GRIN2B: variants seen among roughly 807,000 people sequenced by gnomAD.
The protein encoded by GRIN2B is glutamate ionotropic receptor NMDA type subunit 2B.
A neutral mutation model predicts 114.5 loss-of-function variants in GRIN2B; 5 were observed. That is an observed-to-expected ratio of 0.04 (90% CI 0.02 to 0.09). The LOEUF (loss-of-function observed/expected upper bound fraction) is 0.09, where lower values mean the gene tolerates loss of function less well. Ranked by LOEUF, GRIN2B falls within the 10% of genes least tolerant of loss-of-function variation. The probability of loss-of-function intolerance (pLI) is 1.00; values close to 1 mark genes in which losing one functional copy is unlikely to be tolerated. For synonymous variants in GRIN2B, 787 were observed against 745.1 expected, an observed-to-expected ratio of 1.06 and a Z score of -0.92; for missense variants, 1,108 against 1,943.5, an observed-to-expected ratio of 0.57 and a Z score of 8.08.
intron 4 of GRIN2B, among the ~76,000 whole-genome samples, chr12:13,719,230 C>A (rs1184146207): frequency 6.6e-6 from 1 of 152,026 alleles, no homozygotes; most frequent in African/African-American, 2.4e-5. Flanking sequence ...GCCACTTGCT[C>A]CTGGAATCAG....
rs1242406068 is a variant in GRIN2B at position 13,556,486 on chromosome 12, A to G, written c.*6297T>C. 2 of 152,192 alleles carry G rather than the reference A, an allele frequency of 1.3e-5. No individual in the cohort carries two copies. Among genetic ancestry groups the G allele is most frequent in the Non-Finnish European group, 2.9e-5 (2 of 68,032 alleles). The allele number at this position is 152,192 out of a possible 1,614,324, so 9.4% of individuals were successfully genotyped here. A position where few individuals can be genotyped will look rare whatever the true frequency, so the allele number is the denominator to read the frequency against. Reference sequence around the variant, plus strand: ...TTTAATTAAACTCACATATTTAACCAGAGAGCTTTTATTTTTTTCTCCTGC... The same window carrying G: ...TTTAATTAAACTCACATATTTAACCGGAGAGCTTTTATTTTTTTCTCCTGC... On this transcript the variant is annotated 3_prime_UTR_variant, in exon 14 of 14. Transcript: ENST00000609686.
intron 6 of GRIN2B, among the ~76,000 whole-genome samples, chr12:13,616,088 T>C (rs1949436061): frequency 6.6e-6 from 1 of 152,108 alleles, no homozygotes; most frequent in Admixed American, 6.5e-5. Flanking sequence ...AAAGCATAGA[T>C]TAGTTTTATA....
intron 2 of GRIN2B, among the ~76,000 whole-genome samples, chr12:13,926,172 G>C (rs1866907406): frequency 6.6e-6 from 1 of 152,152 alleles, no homozygotes; most frequent in African/African-American, 2.4e-5. Flanking sequence ...CAGAAAATGA[G>C]AAGGTGTCGG....
intron 4 of GRIN2B, among the ~76,000 whole-genome samples, chr12:13,715,406 A>G (rs77375911): frequency 0.029 from 4,477 of 151,988 alleles, 172 homozygotes; most frequent in African/African-American, 0.086. Context: ...GATAACTATA[A>G]AAGTTCTTAA....
chr12:13,720,457 A>C (rs1202196096), intron 4 of GRIN2B, among the ~76,000 whole-genome samples: 2 of 152,098 alleles, frequency 1.3e-5, no homozygotes, highest in African/African-American at 2.4e-5. Flanking sequence ...CGGCAGATTT[A>C]TGTCTTTGTG....
At chr12:13,814,483 C>T (rs911659062) in intron 3 of GRIN2B, among the ~76,000 whole-genome samples, 8 of 152,208 alleles carry the variant, frequency 5.3e-5, no homozygotes, top group African/African-American at 1.9e-4. Flanking sequence ...TACAAATCAG[C>T]TTAGTACCTA....
intron 3 of GRIN2B, 78 bp downstream of exon 3, chr12:13,865,720 A>G: frequency 8.3e-7 from 1 of 1,201,434 alleles, no homozygotes; most frequent in Non-Finnish European, 1.2e-6. Flanking sequence ...TTAACAATCA[A>G]GTTTTACAGG....
At chr12:13,738,960 G>A (rs1863230083) in intron 4 of GRIN2B, among the ~76,000 whole-genome samples, 1 of 152,120 alleles carries the variant, frequency 6.6e-6, no homozygotes, top group Non-Finnish European at 1.5e-5. Flanking sequence ...CTGACACAAG[G>A]AACTCAAAAC....
At chr12:13,909,995 A>T (rs529136635) in intron 2 of GRIN2B, among the ~76,000 whole-genome samples, 1 of 152,296 alleles carries the variant, frequency 6.6e-6, no homozygotes, top group African/African-American at 2.4e-5. Flanking sequence ...ACCTAGACAA[A>T]CTAAGAGCAG....
intron 2 of GRIN2B, among the ~76,000 whole-genome samples, chr12:13,961,081 G>A (rs367792238): frequency 2.0e-5 from 3 of 149,848 alleles, no homozygotes; most frequent in East Asian, 3.9e-4. Flanking sequence ...GGATTCTGAC[G>A]ACTTTTTTTT....
chr12:13,631,160 GC>G (rs1949612713), intron 5 of GRIN2B, among the ~76,000 whole-genome samples: 1 of 152,120 alleles, frequency 6.6e-6, no homozygotes, highest in Admixed American at 6.5e-5. Flanking sequence ...GCAACGCAGA[GC>G]CAAACCATAT....
chr12:13,854,656 C>CACTTG (rs111332719), intron 3 of GRIN2B, among the ~76,000 whole-genome samples: 7 of 151,316 alleles, frequency 4.6e-5, no homozygotes, highest in African/African-American at 1.7e-4. Context: ...GGAACACTGA[C>CACTTG]ACCCTTTCAG....
At chr12:13,858,467 A>G in intron 3 of GRIN2B, among the ~76,000 whole-genome samples, 1 of 152,298 alleles carries the variant, frequency 6.6e-6, no homozygotes, top group Middle Eastern at 3.4e-3. Context: ...GTAAGACAAA[A>G]AGAATCACAG....
At chr12:13,815,355 G>A (rs993281638) in intron 3 of GRIN2B, among the ~76,000 whole-genome samples, 5 of 151,586 alleles carry the variant, frequency 3.3e-5, no homozygotes, top group Non-Finnish European at 5.9e-5. Flanking sequence ...TTCAGTAAAG[G>A]CATCATTCAG....
chr12:13,700,154 G>A (rs1235816860), intron 4 of GRIN2B, among the ~76,000 whole-genome samples: 1 of 152,048 alleles, frequency 6.6e-6, no homozygotes, highest in Admixed American at 6.6e-5. Context: ...CTTTTCTTGA[G>A]ACATCATCTG....
chr12:13,815,094 A>T (rs1864792205), intron 3 of GRIN2B, among the ~76,000 whole-genome samples: 1 of 152,274 alleles, frequency 6.6e-6, no homozygotes, highest in Non-Finnish European at 1.5e-5. Context: ...ATTCAACTTT[A>T]TATAATGTAT....
Position 13,554,867 on chromosome 12 carries a change from T to C in GRIN2B, c.*7916A>G, listed in dbSNP as rs546152361. ...AGCTTGAGTTCGGTGACGGAAGACA[T>C]GGTGATACCATTAAGCAAAAGGAGG... is the stretch of plus-strand genomic sequence containing the variant. On this transcript the variant is annotated 3_prime_UTR_variant, in exon 14 of 14. Coordinates refer to ENST00000609686, the MANE Select transcript of GRIN2B (RefSeq NM_000834.5). 1 of 152,054 alleles carries C rather than the reference T, an allele frequency of 6.6e-6. No individual in the cohort carries two copies. The highest frequency in any genetic ancestry group is 1.5e-5 in the Non-Finnish European group (1 of 68,004). The allele number at this position is 152,054 out of a possible 1,614,324, so 9.4% of individuals were successfully genotyped here.
chr12:13,640,033 A>AAAAT, intron 5 of GRIN2B, among the ~76,000 whole-genome samples: 1 of 152,114 alleles, frequency 6.6e-6, no homozygotes, highest in East Asian at 1.9e-4. Context: ...TATCATTGGA[A>AAAAT]AAATAACTAT....
chr12:13,853,469 CTGTT>C (rs1865606943), intron 3 of GRIN2B, among the ~76,000 whole-genome samples: 1 of 152,188 alleles, frequency 6.6e-6, no homozygotes. Context: ...ACATTTAAAA[CTGTT>C]TCTTTCTGCT....
Sources: allele counts gnomAD v4.1 joint callset (sites outside exome capture counted in the v4.1 genomes callset), GRCh38; gene constraint gnomAD v4.1.1; transcripts MANE v1.5; gene names NCBI Gene and HGNC (gene_info 2026-07-23, HGNC 2026-07-21).